The following JAM2 variants were observed in gnomAD, a reference collection of about 807,000 sequenced individuals.
The protein encoded by JAM2 is junctional adhesion molecule 2.
In JAM2, 17 loss-of-function variants were observed where a neutral mutation model predicts 42.0. That is an observed-to-expected ratio of 0.40 (90% CI 0.28 to 0.61). JAM2 has a LOEUF of 0.61. Among genes scored for constraint, JAM2 ranks in the 20% least tolerant of loss-of-function variants. The pLI is 0.37. For missense variants in JAM2, 319 were observed against 358.3 expected, an observed-to-expected ratio of 0.89 and a Z score of 0.89; for synonymous variants, 118 against 128.6, an observed-to-expected ratio of 0.92 and a Z score of 0.56.
intron 1 of JAM2, among the ~76,000 whole-genome samples, chr21:25,642,140 T>C (rs771721896): frequency 2.0e-5 from 3 of 152,058 alleles, no homozygotes; most frequent in Non-Finnish European, 4.4e-5. Context: ...CTCCACAGAT[T>C]ACCTACCCTT....
At chr21:25,707,350 C>A (rs530569306) in intron 7 of JAM2, among the ~76,000 whole-genome samples, 1 of 152,112 alleles carries the variant, frequency 6.6e-6, no homozygotes, top group African/African-American at 2.4e-5. Context: ...GGAGTGGTGA[C>A]ATGCACCTGT....
intron 4 of JAM2, among the ~76,000 whole-genome samples, chr21:25,695,717 G>A (rs1189456804): frequency 1.3e-5 from 2 of 151,576 alleles, no homozygotes; most frequent in African/African-American, 2.4e-5. Flanking sequence ...CAGATGGGGC[G>A]GCTGCCAGGC....
Position 25,709,425 on chromosome 21 carries a change from CT to C in JAM2, c.806-5del. ...CTTGCATTAATGATATATACTTTTT[CT>C]TTTGTAGAAGAAACCTCCTTCCAGT... On this transcript the variant is annotated splice_region_variant and splice_polypyrimidine_tract_variant and intron_variant, in intron 7 of 9. Coordinates refer to ENST00000480456, the MANE Select transcript of JAM2 (RefSeq NM_021219.4). 1 of 1,395,462 alleles carries C rather than the reference CT, an allele frequency of 7.2e-7. No homozygotes were observed. The highest frequency in any genetic ancestry group is 1.0e-6 in the Non-Finnish European group (1 of 998,752). The allele number at this position is 1,395,462 out of a possible 1,614,324, so 86.4% of individuals were successfully genotyped here.
At chr21:25,654,709 A>C (rs2032882071) in intron 1 of JAM2, among the ~76,000 whole-genome samples, 1 of 151,670 alleles carries the variant, frequency 6.6e-6, no homozygotes, top group South Asian at 2.1e-4. Context: ...ATTCTTGCCC[A>C]TCCCTCCAAA....
At position 25,717,036 on chromosome 21, in the gene JAM2, A is replaced by G. The variant is rs940655809; in HGVS notation, c.*2364A>G. On this transcript the variant is annotated 3_prime_UTR_variant, in exon 10 of 10. Transcript: ENST00000480456. ...TAGTTGTAAAACTTCTTTTTAAGAC[A>G]TCAAAGGCTAGAGGATTCATTTTAT... 6.6e-6 allele frequency: 1 copy of G among 152,262 alleles called. No individual in the cohort carries two copies. 9.4% of individuals were successfully genotyped at this position (152,262 alleles called of 1,614,324 possible).
chr21:25,639,817 G>A lies in JAM2; in HGVS notation c.-5G>A. The A allele has an allele frequency of 6.3e-7, 1 of 1,580,168 alleles. No individual in the cohort carries two copies. The highest frequency in any genetic ancestry group is 1.2e-5 in the South Asian group (1 of 86,460). On this transcript the variant is annotated 5_prime_UTR_variant, in exon 1 of 10. Coordinates refer to ENST00000480456, the MANE Select transcript of JAM2 (RefSeq NM_021219.4). Reference sequence around the variant, plus strand: ...CTCAGAGCAGCCGGCTGCCGCCCCGGGAAGATGGCGAGGAGGAGCCGCCAC... The same window carrying A: ...CTCAGAGCAGCCGGCTGCCGCCCCGAGAAGATGGCGAGGAGGAGCCGCCAC...
At chr21:25,651,333 C>A (rs1321740036) in intron 1 of JAM2, among the ~76,000 whole-genome samples, 1 of 152,158 alleles carries the variant, frequency 6.6e-6, no homozygotes, top group Non-Finnish European at 1.5e-5. Context: ...TTAAATGGTT[C>A]TTCAAATATG....
intron 8 of JAM2, chr21:25,711,532 TC>T (rs2034383864): frequency 2.5e-6 from 1 of 394,280 alleles, no homozygotes; most frequent in Non-Finnish European, 5.0e-6. Flanking sequence ...GACTTCCTGT[TC>T]CCAGATTTCT....
At chr21:25,689,379 T>C (rs2033826097) in intron 2 of JAM2, among the ~76,000 whole-genome samples, 1 of 152,216 alleles carries the variant, frequency 6.6e-6, no homozygotes, top group South Asian at 2.1e-4. Context: ...TTCAGTGCCT[T>C]TCTTGGGTAC....
intron 4 of JAM2, among the ~76,000 whole-genome samples, chr21:25,696,357 C>G (rs967221467): frequency 2.6e-5 from 4 of 152,044 alleles, no homozygotes; most frequent in African/African-American, 7.2e-5. Context: ...AGCTTCCGCT[C>G]GGCATCAGAG....
At chr21:25,646,592 G>A (rs1478640990) in intron 1 of JAM2, among the ~76,000 whole-genome samples, 2 of 149,658 alleles carry the variant, frequency 1.3e-5, no homozygotes. Context: ...GAGAGAGAAG[G>A]AGAGAGAGAG....
chr21:25,645,758 C>T (rs547448640), intron 1 of JAM2, among the ~76,000 whole-genome samples: 4 of 152,266 alleles, frequency 2.6e-5, no homozygotes, highest in African/African-American at 4.8e-5. Context: ...GAGCCTGCTG[C>T]ACACCAAGGC....
intron 1 of JAM2, among the ~76,000 whole-genome samples, chr21:25,652,503 C>T (rs2123318164): frequency 6.6e-6 from 1 of 152,178 alleles, no homozygotes; most frequent in South Asian, 2.1e-4. Context: ...TAATATTCCA[C>T]CAAACAGTAG....
intron 1 of JAM2, among the ~76,000 whole-genome samples, chr21:25,681,910 AGGC>A (rs1317626853): frequency 1.3e-5 from 2 of 152,186 alleles, no homozygotes; most frequent in Non-Finnish European, 2.9e-5. Flanking sequence ...TGAACCCGGG[AGGC>A]GGAGCTGGTA....
chr21:25,659,400 C>G (rs1007792184), intron 1 of JAM2, among the ~76,000 whole-genome samples: 2 of 152,084 alleles, frequency 1.3e-5, no homozygotes, highest in Non-Finnish European at 1.5e-5. Flanking sequence ...GATGATAGGA[C>G]ACAAGGCTGT....
intron 1 of JAM2, among the ~76,000 whole-genome samples, chr21:25,672,763 C>T (rs961778707): frequency 6.6e-6 from 1 of 152,172 alleles, no homozygotes; most frequent in Middle Eastern, 3.2e-3. Flanking sequence ...CTCTCTTTGC[C>T]ATTACGCCAA....
intron 1 of JAM2, among the ~76,000 whole-genome samples, chr21:25,682,476 G>T (rs2033657004): frequency 6.6e-6 from 1 of 152,248 alleles, no homozygotes; most frequent in Admixed American, 6.5e-5. Context: ...CGTGCGACAG[G>T]GGTGTGGCTC....
chr21:25,692,359 A>C, intron 3 of JAM2: 1 of 173,702 alleles, frequency 5.8e-6, no homozygotes, highest in East Asian at 1.6e-4. Flanking sequence ...TCATTTTTGA[A>C]AAGCACATAT....
intron 9 of JAM2, 42 bp from the exon 10 acceptor site, chr21:25,714,598 T>G (rs1379138378): frequency 2.6e-6 from 3 of 1,161,144 alleles, no homozygotes; most frequent in Middle Eastern, 2.1e-4. Context: ...TCTTTAAATA[T>G]GAATTCATAT....
Sources: gnomAD v4.1 joint callset for allele counts (sites outside exome capture counted in the v4.1 genomes callset) on GRCh38, gnomAD v4.1.1 for gene constraint, MANE v1.5 for transcripts, NCBI Gene and HGNC (gene_info 2026-07-23, HGNC 2026-07-21) for gene names.